The following CFAP20DC variants were observed in gnomAD, a reference collection of about 807,000 sequenced individuals.
CFAP20DC encodes the protein CFAP20 domain containing.
In CFAP20DC, 84 loss-of-function variants were observed where a neutral mutation model predicts 101.7. The ratio of observed to expected loss-of-function variants is 0.83; its 90% CI spans 0.69 to 0.99. The LOEUF (loss-of-function observed/expected upper bound fraction) is 0.99, where lower values mean the gene tolerates loss of function less well. Among genes scored for constraint, CFAP20DC ranks in the 50% least tolerant of loss-of-function variants. The pLI is 0.00. For missense variants in CFAP20DC, 1,007 were observed against 970.3 expected (o/e 1.04, Z -0.50); for synonymous variants, 359 against 351.2 (o/e 1.02, Z -0.25).
At chr3:58,986,212 A>C (rs1043615764) in intron 4 of CFAP20DC, among the ~76,000 whole-genome samples, 2 of 152,234 alleles carry the variant, frequency 1.3e-5, no homozygotes, top group Admixed American at 1.3e-4. Flanking sequence ...CAGAATAAAG[A>C]GGAAATAAAA....
chr3:58,849,148 G>T lies in CFAP20DC; in HGVS notation c.1855C>A (p.Pro619Thr), dbSNP rs1011330731. The T allele has an allele frequency of 3.9e-6, 6 of 1,535,892 alleles. No individual in the cohort carries two copies. The highest frequency in any genetic ancestry group is 2.7e-5 in the African/African-American group (2 of 72,970). The part of the protein sequence containing the change: ...GRRCGSCQKT[P>T]EPVIKAKDLS... ...TCCTTCGCTTTGATTACGGGCTCTG[G>T]AGTTTTCTGACAGGACCCACACCTT... The change falls in exon 13 of 17, where the codon CCA (proline) becomes ACA (threonine). Residue 619 changes from proline (P) to threonine (T), a missense_variant. Coordinates refer to ENST00000482387, the MANE Select transcript of CFAP20DC (RefSeq NM_001394063.1).
In CFAP20DC at chr3:58,861,403, A is replaced by T. The variant is rs1380992507; in HGVS notation, c.1593+2155T>A. 1.5e-5 allele frequency: 12 copies of T among 800,862 alleles called. No homozygotes were observed. In the South Asian group the frequency reaches 4.6e-4, roughly 31 times the overall value. The allele number at this position is 800,862 out of a possible 1,614,324, so 49.6% of individuals were successfully genotyped here. A position where few individuals can be genotyped will look rare whatever the true frequency, so the allele number is the denominator to read the frequency against. ...ATGCAATTAATAGTAAGGATGCCTT[A>T]ATTAACTAAACTGATTTTTCTTCAA... On this transcript the variant is annotated intron_variant, in intron 12 of 16. Transcript: ENST00000482387. This position sits in a 1 kb window ranked among gnomAD's most constrained non-coding sequence, Gnocchi z 4.0.
At chr3:58,831,935 C>A (rs773129553) in intron 13 of CFAP20DC, 46 bp from the exon 14 acceptor site, 3 of 1,528,124 alleles carry the variant, frequency 2.0e-6, no homozygotes, top group East Asian at 4.5e-5. Flanking sequence ...TGGCCTAATT[C>A]TACGGCTACT....
At chr3:58,734,918 A>T (rs949015328) in intron 3 of CFAP20DC, among the ~76,000 whole-genome samples, 2 of 152,210 alleles carry the variant, frequency 1.3e-5, no homozygotes, top group African/African-American at 4.8e-5. Context: ...TATTTAGAAG[A>T]ACGCTACAGA....
intron 4 of CFAP20DC, among the ~76,000 whole-genome samples, chr3:58,962,741 T>A (rs908852875): frequency 6.6e-6 from 1 of 152,156 alleles, no homozygotes. Context: ...CTAGGCCCTC[T>A]TGTGTCTCCT....
chr3:58,733,550 G>C (rs142330366), intron 3 of CFAP20DC, among the ~76,000 whole-genome samples: 105 of 152,280 alleles, frequency 6.9e-4, no homozygotes, highest in African/African-American at 2.3e-3. Context: ...GCTTGGCCCA[G>C]AACTGATCAT....
intron 4 of CFAP20DC, among the ~76,000 whole-genome samples, chr3:58,948,409 A>G (rs2089644494): frequency 6.6e-6 from 1 of 152,056 alleles, no homozygotes; most frequent in South Asian, 2.1e-4. Context: ...ATGTTTTTTA[A>G]CTTCTATTAC....
chr3:58,932,346 T>G (rs1169916512), intron 5 of CFAP20DC, among the ~76,000 whole-genome samples: 2 of 152,096 alleles, frequency 1.3e-5, no homozygotes, highest in Non-Finnish European at 2.9e-5. Context: ...TGGAAAACAC[T>G]CTGCAGGATA....
chr3:58,884,711 T>C lies in CFAP20DC; in HGVS notation c.551-2A>G, dbSNP rs751695068. The stretch of plus-strand genomic sequence containing the variant: ...TTGAAAAGGGAACACCATAGACAGC[T>C]GGAAATAAAGACAAACATTCATTTT... On this transcript the variant is annotated splice_acceptor_variant, in intron 6 of 16. Coordinates refer to ENST00000482387, the MANE Select transcript of CFAP20DC (RefSeq NM_001394063.1). LOFTEE classifies it high-confidence loss of function. The C allele has an allele frequency of 8.8e-6, 14 of 1,595,398 alleles. No individual in the cohort carries two copies. The highest frequency in any genetic ancestry group is 1.7e-4 in the Middle Eastern group (1 of 5,978).
chr3:58,967,402 T>A (rs893678603), intron 4 of CFAP20DC, among the ~76,000 whole-genome samples: 5 of 152,158 alleles, frequency 3.3e-5, no homozygotes, highest in African/African-American at 4.8e-5. Flanking sequence ...GAGCTAAAAC[T>A]ATACATCTCT....
At chr3:59,008,193 C>G (rs1191722391) in intron 4 of CFAP20DC, among the ~76,000 whole-genome samples, 4 of 152,188 alleles carry the variant, frequency 2.6e-5, no homozygotes, top group Non-Finnish European at 5.9e-5. Context: ...CTTGGAACAT[C>G]AACATTCCTA....
At chr3:58,843,170 T>G (rs2077302552) in intron 13 of CFAP20DC, among the ~76,000 whole-genome samples, 1 of 152,174 alleles carries the variant, frequency 6.6e-6, no homozygotes, top group South Asian at 2.1e-4. Context: ...GGAGAATGAC[T>G]TTGATGAGCT....
Position 58,742,128 on chromosome 3 carries a change from CA to C in CFAP20DC, c.*331del, listed in dbSNP as rs761595603. On this transcript the variant is annotated 3_prime_UTR_variant, in exon 17 of 17. Coordinates refer to ENST00000482387, the MANE Select transcript of CFAP20DC (RefSeq NM_001394063.1). ...AGCCATCATTTACAGATTAACACTG[CA>C]AAAAATTTGAATGAATAACTCTTAA... is the stretch of plus-strand genomic sequence containing the variant. 103 of 934,450 alleles carry C rather than the reference CA, an allele frequency of 1.1e-4. 1 individual carries two copies. The highest frequency in any genetic ancestry group is 1.3e-4 in the Non-Finnish European group (99 of 782,376). 57.9% of individuals were successfully genotyped at this position (934,450 alleles called of 1,614,324 possible). A position where few individuals can be genotyped will look rare whatever the true frequency, so the allele number is the denominator to read the frequency against.
Position 58,931,208 on chromosome 3 carries a change from G to C in CFAP20DC, c.393+6440C>G, listed in dbSNP as rs576487861. 2.0e-3 allele frequency among the ~76,000 whole-genome samples: 311 copies of C among 152,230 alleles called. 2 individuals are homozygous for C. Among genetic ancestry groups the C allele is most frequent in the African/African-American group, 7.3e-3 (304 of 41,548 alleles). ...TGAGATCAAACTGCAAGGTGGAAGC[G>C]AGGCTGGGGGAGGGGTGCGCGCCAT... On this transcript the variant is annotated intron_variant, in intron 5 of 16. Coordinates refer to ENST00000482387, the MANE Select transcript of CFAP20DC (RefSeq NM_001394063.1).
chr3:58,984,254 G>A (rs2108539715), intron 4 of CFAP20DC, among the ~76,000 whole-genome samples: 1 of 152,240 alleles, frequency 6.6e-6, no homozygotes, highest in African/African-American at 2.4e-5. Context: ...AATTGTTATT[G>A]GCTTCCTATT....
intron 7 of CFAP20DC, 102 bp downstream of exon 7, chr3:58,884,443 G>T (rs1039050247): frequency 3.7e-5 from 40 of 1,075,998 alleles, no homozygotes; most frequent in African/African-American, 2.5e-4. Context: ...AAGTGCGAAG[G>T]ATATAGAAGA....
chr3:58,716,979 AC>A (rs1306577974), downstream of CFAP20DC, among the ~76,000 whole-genome samples: 14 of 152,124 alleles, frequency 9.2e-5, no homozygotes, highest in Non-Finnish European at 1.9e-4. Context: ...CTTCTAAAGT[AC>A]CCTACACCAC....
At chr3:58,881,744 G>T (rs551369058) in intron 7 of CFAP20DC, among the ~76,000 whole-genome samples, 33 of 152,220 alleles carry the variant, frequency 2.2e-4, no homozygotes, top group Non-Finnish European at 4.6e-4. Context: ...TAATTAAAGA[G>T]AACACATTTT....
intron 6 of CFAP20DC, among the ~76,000 whole-genome samples, chr3:58,911,459 G>C (rs547430443): frequency 1.3e-5 from 2 of 152,208 alleles, no homozygotes; most frequent in Non-Finnish European, 1.5e-5. Flanking sequence ...AGGAAGTGAT[G>C]ATTGGGAGGA....
Sources: gnomAD v4.1 joint callset for allele counts (sites outside exome capture counted in the v4.1 genomes callset) on GRCh38, gnomAD v4.1.1 for gene constraint, Gnocchi (gnomAD v3.1) non-coding constraint, MANE v1.5 for transcripts, NCBI Gene and HGNC (gene_info 2026-07-23, HGNC 2026-07-21) for gene names.